The following FANCL variants were observed in gnomAD, a reference collection of about 807,000 sequenced individuals.
The protein encoded by FANCL is FA complementation group L.
Under a neutral mutation model 59.4 loss-of-function variants are expected in FANCL, and 69 were observed. That is an observed-to-expected ratio of 1.16 (90% CI 0.96 to 1.42). The LOEUF (loss-of-function observed/expected upper bound fraction) is 1.42. FANCL is among the 40% of genes most tolerant of loss of function. FANCL has a pLI of 0.00. For synonymous variants in FANCL, 180 were observed against 147.1 expected (o/e 1.22, Z -1.62); for missense variants, 519 against 447.2 (o/e 1.16, Z -1.45).
chr2:58,227,429 C>T (rs547431006), intron 3 of FANCL, among the ~76,000 whole-genome samples: 7 of 152,298 alleles, frequency 4.6e-5, no homozygotes, highest in Admixed American at 4.6e-4. Flanking sequence ...GTGCAAGTAG[C>T]TCTCAGTAGA....
chr2:58,212,138 T>C (rs180746395), intron 5 of FANCL, among the ~76,000 whole-genome samples: 2 of 152,328 alleles, frequency 1.3e-5, no homozygotes, highest in East Asian at 1.9e-4. Flanking sequence ...GAGGTTTAAT[T>C]GGACTTACAG....
rs1687367389 is a variant in FANCL, at chr2:58,176,794, C to G, written c.541-10920G>C. On this transcript the variant is annotated intron_variant, in intron 7 of 13. Transcript: ENST00000233741. ...AATTGACAAATGGGATCTAATTAAA[C>G]TAAAGAGCTTCTACACAGCAAAAGA... 7.2e-5 allele frequency among the ~76,000 whole-genome samples: 11 copies of G among 152,216 alleles called. No homozygotes were observed. In the South Asian group the frequency reaches 2.3e-3, roughly 32 times the overall value.
chr2:58,231,539 C>T (rs950282425), intron 2 of FANCL, among the ~76,000 whole-genome samples: 3 of 152,126 alleles, frequency 2.0e-5, no homozygotes, highest in African/African-American at 7.2e-5. Context: ...TCTCTGGATT[C>T]CTTTTCCTCC....
chr2:58,162,610 G>A (rs1685369190), intron 11 of FANCL, among the ~76,000 whole-genome samples: 1 of 151,818 alleles, frequency 6.6e-6, no homozygotes, highest in Non-Finnish European at 1.5e-5. Flanking sequence ...TATGGGTCCT[G>A]CAGGGTAACT....
At chr2:58,204,086 CA>C (rs1411586209) in intron 6 of FANCL, 43 bp downstream of exon 6, 2 of 1,438,306 alleles carry the variant, frequency 1.4e-6, no homozygotes, top group East Asian at 2.3e-5. Flanking sequence ...GTTCATTTCA[CA>C]AAGTATTTTC....
chr2:58,240,400 C>A (rs1694413890), intron 1 of FANCL, among the ~76,000 whole-genome samples: 1 of 152,146 alleles, frequency 6.6e-6, no homozygotes, highest in South Asian at 2.1e-4. Context: ...CCTAAGGTAT[C>A]CTGGTGCAAT....
intron 5 of FANCL, among the ~76,000 whole-genome samples, chr2:58,214,652 C>G (rs1428927815): frequency 6.6e-6 from 1 of 151,816 alleles, no homozygotes; most frequent in Non-Finnish European, 1.5e-5. Context: ...TAGGTGCGTA[C>G]CACCACACCT....
At chr2:58,214,594 G>T (rs777076199) in intron 5 of FANCL, among the ~76,000 whole-genome samples, 1 of 151,910 alleles carries the variant, frequency 6.6e-6, no homozygotes, top group East Asian at 1.9e-4. Flanking sequence ...CTGCAGCCTC[G>T]ACCTACCCAG....
chr2:58,176,919 C>T (rs1302721490), intron 7 of FANCL, among the ~76,000 whole-genome samples: 1 of 151,738 alleles, frequency 6.6e-6, no homozygotes, highest in Non-Finnish European at 1.5e-5. Context: ...ACAAAGAACT[C>T]AAACAAATTT....
chr2:58,193,128 G>T (rs531217593), intron 7 of FANCL, among the ~76,000 whole-genome samples: 2 of 152,074 alleles, frequency 1.3e-5, no homozygotes, highest in African/African-American at 4.8e-5. Flanking sequence ...TGTTTTTCTA[G>T]ATTTTGGCCA....
Position 58,166,017 on chromosome 2 carries a change from C to G in FANCL, c.541-143G>C, listed in dbSNP as rs899451170. The G allele has an allele frequency of 2.2e-5, 16 of 740,394 alleles. No homozygotes were observed. The African/African-American group carries it at 2.8e-4, about 13-fold the overall frequency. The allele number at this position is 740,394 out of a possible 1,614,324, so 45.9% of individuals were successfully genotyped here. ...AGACTCCAGTAAACAGTAGTCGACT[C>G]TCCCTGCTTCACATCTCTTCCTACA... On this transcript the variant is annotated intron_variant, in intron 7 of 13. Transcript: ENST00000233741.
At chr2:58,206,481 A>G (rs1007375501) in intron 5 of FANCL, among the ~76,000 whole-genome samples, 2 of 147,518 alleles carry the variant, frequency 1.4e-5, no homozygotes, top group Non-Finnish European at 3.0e-5. Flanking sequence ...GAGAGAAGGC[A>G]TGCACGTTTA....
chr2:58,167,880 A>T (rs558102386), intron 7 of FANCL, among the ~76,000 whole-genome samples: 1 of 152,180 alleles, frequency 6.6e-6, no homozygotes, highest in African/African-American at 2.4e-5. Context: ...CAAAACTATT[A>T]TATCAGTAAG....
Position 58,162,859 on chromosome 2 carries a change from A to C in FANCL, c.903+7T>G. ...GTCTGGAATATCAAAACACTGATAA[A>C]ACTTACAGATTTTTCCAGGATAGCA... On this transcript the variant is annotated splice_region_variant and intron_variant, in intron 11 of 13. Coordinates refer to ENST00000233741, the MANE Select transcript of FANCL (RefSeq NM_018062.4). 6.2e-7 allele frequency: 1 copy of C among 1,609,004 alleles called. No homozygotes were observed. Among genetic ancestry groups the C allele is most frequent in the Non-Finnish European group, 8.5e-7 (1 of 1,176,220 alleles).
intron 7 of FANCL, among the ~76,000 whole-genome samples, chr2:58,171,654 G>A (rs905597684): frequency 1.7e-4 from 26 of 152,210 alleles, no homozygotes; most frequent in Non-Finnish European, 3.5e-4. Context: ...AACAGCTCCG[G>A]TCTACAGCTC....
intron 1 of FANCL, among the ~76,000 whole-genome samples, chr2:58,237,451 A>G (rs777157461): frequency 6.6e-6 from 1 of 152,148 alleles, no homozygotes; most frequent in Non-Finnish European, 1.5e-5. Flanking sequence ...TGTGTGATAT[A>G]GCTAAACCAG....
At chr2:58,196,233 A>G (rs1289865832) in intron 7 of FANCL, among the ~76,000 whole-genome samples, 2 of 152,138 alleles carry the variant, frequency 1.3e-5, no homozygotes, top group African/African-American at 4.8e-5. Flanking sequence ...GGAGAGAAGC[A>G]AAGAAAGGAA....
intron 8 of FANCL, among the ~76,000 whole-genome samples, chr2:58,164,772 C>T (rs974747662): frequency 6.6e-6 from 1 of 151,988 alleles, no homozygotes; most frequent in Non-Finnish European, 1.5e-5. Flanking sequence ...TACTTGTTCA[C>T]AAATATACCA....
At position 58,221,929 on chromosome 2, in the gene FANCL, A is replaced by T; in HGVS notation, c.374+13T>A. 6.4e-7 allele frequency: 1 copy of T among 1,562,864 alleles called. No homozygotes were observed. The highest frequency in any genetic ancestry group is 1.1e-5 in the South Asian group (1 of 89,936). On this transcript the variant is annotated intron_variant, in intron 5 of 13. Transcript: ENST00000233741. ...AACAAAGGCATTTAAAACATATTTT[A>T]AAACAGACATACTTATCCCAACCAA...
Sources: allele counts gnomAD v4.1 joint callset (sites outside exome capture counted in the v4.1 genomes callset), GRCh38; gene constraint gnomAD v4.1.1; transcripts MANE v1.5; gene names NCBI Gene and HGNC (gene_info 2026-07-23, HGNC 2026-07-21).